The following GALNT1 variants were observed in gnomAD, a reference collection of about 807,000 sequenced individuals.
The protein encoded by GALNT1 is polypeptide N-acetylgalactosaminyltransferase 1.
GALNT1 carries 17 observed loss-of-function variants against 65.7 expected under a neutral mutation model. That is an observed-to-expected ratio of 0.26 (90% CI 0.18 to 0.39). GALNT1 has a LOEUF of 0.39. Among genes scored for constraint, GALNT1 ranks in the 10% least tolerant of loss-of-function variants. The pLI, the probability that GALNT1 is intolerant of heterozygous loss-of-function variation, is 1.00. For synonymous variants in GALNT1, 210 were observed against 219.7 expected (o/e 0.96, Z 0.39); for missense variants, 460 against 672.8 (o/e 0.68, Z 3.50).
intron 1 of GALNT1, among the ~76,000 whole-genome samples, chr18:35,589,918 A>G (rs1222489617): frequency 6.6e-6 from 1 of 152,240 alleles, no homozygotes; most frequent in Non-Finnish European, 1.5e-5. Flanking sequence ...TTATCTGTCA[A>G]ATTGCTACCA....
intron 1 of GALNT1, among the ~76,000 whole-genome samples, chr18:35,611,675 T>G (rs1469194818): frequency 6.6e-6 from 1 of 152,206 alleles, no homozygotes; most frequent in Non-Finnish European, 1.5e-5. Context: ...GGAGGAATTC[T>G]CATGGTCTTG....
chr18:35,635,871 G>C (rs2047082242), intron 1 of GALNT1, among the ~76,000 whole-genome samples: 3 of 151,984 alleles, frequency 2.0e-5, no homozygotes, highest in Admixed American at 2.0e-4. Flanking sequence ...TTAACTTAAA[G>C]ACAGTTATTT....
intron 1 of GALNT1, chr18:35,591,655 G>T (rs1281897532): frequency 6.5e-6 from 1 of 154,368 alleles, no homozygotes; most frequent in Non-Finnish European, 1.5e-5. Flanking sequence ...GAGTATGGAT[G>T]TTCTTTGGAA....
chr18:35,650,471 A>G (rs2047295592), intron 1 of GALNT1, among the ~76,000 whole-genome samples: 1 of 152,202 alleles, frequency 6.6e-6, no homozygotes. Flanking sequence ...AGAGCAGACA[A>G]CCGGTCTGAT....
At chr18:35,693,442 C>T (rs2048001540) in intron 9 of GALNT1, among the ~76,000 whole-genome samples, 1 of 152,160 alleles carries the variant, frequency 6.6e-6, no homozygotes, top group Non-Finnish European at 1.5e-5. Context: ...TTGCATTTTG[C>T]ATTTTATTCT....
intron 1 of GALNT1, among the ~76,000 whole-genome samples, chr18:35,595,313 G>A (rs1284785474): frequency 6.6e-6 from 1 of 152,120 alleles, no homozygotes; most frequent in Non-Finnish European, 1.5e-5. Context: ...CAGAGATGCT[G>A]GCCCTGACCT....
intron 1 of GALNT1, among the ~76,000 whole-genome samples, chr18:35,631,991 A>G (rs550564481): frequency 3.3e-5 from 5 of 152,350 alleles, no homozygotes; most frequent in African/African-American, 1.2e-4. Context: ...CCAACTTACA[A>G]GGGATGTGAA....
intron 1 of GALNT1, among the ~76,000 whole-genome samples, chr18:35,605,097 G>C (rs2046629804): frequency 6.6e-6 from 1 of 152,178 alleles, no homozygotes; most frequent in African/African-American, 2.4e-5. Context: ...TTGCAGAACA[G>C]GTGTCTCAGA....
Position 35,642,005 on chromosome 18 carries a change from A to G in GALNT1, c.-103-12555A>G, listed in dbSNP as rs543794063. ...GGAATATTGTCACATTCATTTATGT[A>G]CCTCTTACAGATGCTTTCATGGTAC... is the stretch of plus-strand genomic sequence containing the variant. On this transcript the variant is annotated intron_variant, in intron 1 of 11. Transcript: ENST00000269195. 5.3e-5 allele frequency among the ~76,000 whole-genome samples: 8 copies of G among 152,350 alleles called. No individual in the cohort carries two copies. The East Asian group carries it at 1.5e-3, about 29-fold the overall frequency.
At chr18:35,598,275 T>C (rs1395466560) in intron 1 of GALNT1, among the ~76,000 whole-genome samples, 1 of 152,056 alleles carries the variant, frequency 6.6e-6, no homozygotes, top group South Asian at 2.1e-4. Context: ...CCTCAGGTGA[T>C]CTTCCTGCCT....
At chr18:35,629,758 A>G (rs2046978418) in intron 1 of GALNT1, among the ~76,000 whole-genome samples, 1 of 152,194 alleles carries the variant, frequency 6.6e-6, no homozygotes, top group Non-Finnish European at 1.5e-5. Flanking sequence ...AAAGACACAG[A>G]CTGGCAAATT....
At chr18:35,634,665 G>A (rs1414030613) in intron 1 of GALNT1, among the ~76,000 whole-genome samples, 1 of 152,214 alleles carries the variant, frequency 6.6e-6, no homozygotes, top group Non-Finnish European at 1.5e-5. Flanking sequence ...GTCTGGTCAT[G>A]TAGGCATCTC....
intron 1 of GALNT1, among the ~76,000 whole-genome samples, chr18:35,616,948 A>G (rs1314733138): frequency 1.3e-5 from 2 of 152,176 alleles, no homozygotes; most frequent in African/African-American, 2.4e-5. Context: ...TGCCTAAGCC[A>G]CTGAGGAACC....
At chr18:35,687,255 A>G (rs565356239) in intron 6 of GALNT1, 69 bp downstream of exon 6, 166 of 1,440,438 alleles carry the variant, frequency 1.2e-4, no homozygotes, top group South Asian at 6.1e-4. Flanking sequence ...TGGGAATCAT[A>G]TCAAATGGAT....
chr18:35,621,522 A>G (rs1304268415), intron 1 of GALNT1, among the ~76,000 whole-genome samples: 1 of 137,796 alleles, frequency 7.3e-6, no homozygotes, highest in Non-Finnish European at 1.6e-5. Context: ...AGAAGTTTTT[A>G]ATACATTCTG....
At chr18:35,587,963 T>G (rs1389100983) in intron 1 of GALNT1, among the ~76,000 whole-genome samples, 4 of 152,242 alleles carry the variant, frequency 2.6e-5, no homozygotes, top group African/African-American at 9.6e-5. Flanking sequence ...TCCTTTCATC[T>G]TCTGTTTTCG....
chr18:35,625,254 C>T (rs2046901541), intron 1 of GALNT1, among the ~76,000 whole-genome samples: 1 of 152,118 alleles, frequency 6.6e-6, no homozygotes, highest in Non-Finnish European at 1.5e-5. Flanking sequence ...GAAGCTGTGC[C>T]ACTGCTGAAA....
At chr18:35,696,874 T>G (rs1427608261) in intron 9 of GALNT1, among the ~76,000 whole-genome samples, 2 of 152,192 alleles carry the variant, frequency 1.3e-5, no homozygotes, top group East Asian at 3.8e-4. Flanking sequence ...GAATCCAGAT[T>G]CACTAATGCT....
At chr18:35,678,150 A>G (rs1237425043) in intron 4 of GALNT1, among the ~76,000 whole-genome samples, 1 of 152,198 alleles carries the variant, frequency 6.6e-6, no homozygotes, top group African/African-American at 2.4e-5. Flanking sequence ...TTCCATGTTT[A>G]GTAGGAAATA....
Sources: gnomAD v4.1 joint callset for allele counts (sites outside exome capture counted in the v4.1 genomes callset) on GRCh38, gnomAD v4.1.1 for gene constraint, MANE v1.5 for transcripts, NCBI Gene and HGNC (gene_info 2026-07-23, HGNC 2026-07-21) for gene names.